CCL28: variants seen among roughly 807,000 people sequenced by gnomAD.
CCL28 encodes C-C motif chemokine 28.
A neutral mutation model predicts 7.1 loss-of-function variants in CCL28; 4 were observed. The observed-to-expected ratio is 0.56, with a 90% CI of 0.28 to 1.29. The LOEUF (loss-of-function observed/expected upper bound fraction) is 1.29. Among genes scored for constraint, CCL28 ranks in the 50% most tolerant of loss-of-function variants. The probability of loss-of-function intolerance (pLI) is 0.11; values close to 1 mark genes in which losing one functional copy is unlikely to be tolerated. For missense variants in CCL28, 151 were observed against 163.4 expected (o/e 0.92, Z 0.41); for synonymous variants, 55 against 57.8 (o/e 0.95, Z 0.22).
At chr5:43,374,443 T>A (rs150616186), downstream of CCL28, among the ~76,000 whole-genome samples, 768 of 152,348 alleles carry the variant, frequency 5.0e-3, 8 homozygotes, top group African/African-American at 0.018. Flanking sequence ...GAATTAGCTA[T>A]GTAATTGTGA....
At chr5:43,371,081 T>C in the CCL28 span, among the ~76,000 whole-genome samples, 9,586 of 152,224 alleles carry the variant, frequency 0.063, 686 homozygotes, top group African/African-American at 0.18. Context: ...TTTTTCTTAA[T>C]CTGCTTAAGT....
downstream of CCL28, among the ~76,000 whole-genome samples, chr5:43,372,871 T>A (rs114541113): frequency 0.018 from 2,724 of 151,882 alleles, 78 homozygotes; most frequent in African/African-American, 0.062. Context: ...TGATCTTTCC[T>A]CACTGCAAAC....
At chr5:43,376,411 C>A (rs932262697), downstream of CCL28, among the ~76,000 whole-genome samples, 2 of 152,134 alleles carry the variant, frequency 1.3e-5, no homozygotes, top group Non-Finnish European at 2.9e-5. Flanking sequence ...GAGAGCCCCC[C>A]ACAACAAAGA....
At chr5:43,375,727 C>T (rs908757561), downstream of CCL28, among the ~76,000 whole-genome samples, 1 of 152,198 alleles carries the variant, frequency 6.6e-6, no homozygotes, top group Non-Finnish European at 1.5e-5. Flanking sequence ...GATGGTGGCT[C>T]ATGCCTGTAA....
At chr5:43,384,536 C>T (rs1385767291) in intron 2 of CCL28, among the ~76,000 whole-genome samples, 1 of 152,168 alleles carries the variant, frequency 6.6e-6, no homozygotes, top group Non-Finnish European at 1.5e-5. Context: ...ATTCCTTCCC[C>T]TACTCGCAAT....
intron 1 of CCL28, among the ~76,000 whole-genome samples, chr5:43,392,628 A>G (rs930635744): frequency 2.0e-5 from 3 of 152,332 alleles, no homozygotes; most frequent in South Asian, 2.1e-4. Context: ...TGAGAGTTCC[A>G]TTTCTGCACA....
the CCL28 span, among the ~76,000 whole-genome samples, chr5:43,369,036 A>AAAAGAGAG: frequency 9.6e-6 from 1 of 104,458 alleles, no homozygotes; most frequent in South Asian, 4.1e-4. Context: ...GAAAGAGAGA[A>AAAAGAGAG]AGAGAGAGAG....
chr5:43,395,718 GT>G (rs1323890115), intron 1 of CCL28, among the ~76,000 whole-genome samples: 1 of 152,104 alleles, frequency 6.6e-6, no homozygotes, highest in Non-Finnish European at 1.5e-5. Context: ...GTGAAAGCAA[GT>G]TTATTAAGAA....
intron 1 of CCL28, among the ~76,000 whole-genome samples, chr5:43,408,779 T>C (rs1490987288): frequency 6.6e-6 from 1 of 152,208 alleles, no homozygotes; most frequent in African/African-American, 2.4e-5. Context: ...TTTTTAATTC[T>C]TTAAATTTTT....
Position 43,381,883 on chromosome 5 carries a change from A to G in CCL28, c.361T>C (p.Tyr121His), listed in dbSNP as rs761490471. The change falls in exon 3 of 3, where the codon TAC (tyrosine) becomes CAC (histidine). Residue 121 changes from tyrosine to histidine, a missense_variant. By Grantham distance (83) the Tyr-to-His change is moderately conservative. Coordinates refer to ENST00000361115, the MANE Select transcript of CCL28 (RefSeq NM_148672.3). ...NRAHQGKHET[Y>H]GHKTPY The stretch of plus-strand genomic sequence containing the variant: ...CTCTAATAAGGAGTTTTATGGCCGT[A>G]TGTTTCGTGTTTCCCCTGATGTGCC... The G allele has an allele frequency of 2.5e-5, 41 of 1,613,844 alleles. No homozygotes were observed. The highest frequency in any genetic ancestry group is 3.5e-5 in the Non-Finnish European group (41 of 1,179,932).
chr5:43,367,724 G>A, the CCL28 span, among the ~76,000 whole-genome samples: 3 of 151,988 alleles, frequency 2.0e-5, no homozygotes, highest in African/African-American at 7.3e-5. Flanking sequence ...CCAGTGAGGT[G>A]AGCCATGTAC....
At chr5:43,377,934 G>A (rs1029511344), downstream of CCL28, among the ~76,000 whole-genome samples, 6 of 150,528 alleles carry the variant, frequency 4.0e-5, no homozygotes, top group East Asian at 3.9e-4. Context: ...GGGTTTCACC[G>A]TTTTAGCCGG....
intron 1 of CCL28, among the ~76,000 whole-genome samples, chr5:43,401,077 C>T (rs186902356): frequency 0.01 from 1,510 of 146,646 alleles, 22 homozygotes; most frequent in South Asian, 0.045. Flanking sequence ...AGCAAGACTC[C>T]GTCTCAAAAA....
At chr5:43,364,495 A>G in the CCL28 span, among the ~76,000 whole-genome samples, 1 of 152,236 alleles carries the variant, frequency 6.6e-6, no homozygotes, top group East Asian at 1.9e-4. Flanking sequence ...GTTGATAAAA[A>G]TAAAGAATTT....
the CCL28 span, among the ~76,000 whole-genome samples, chr5:43,364,920 C>T: frequency 1.3e-5 from 2 of 151,876 alleles, no homozygotes; most frequent in Admixed American, 6.6e-5. Flanking sequence ...GGTAAATATT[C>T]CCCCATCCCT....
At chr5:43,373,294 G>A (rs995483774), downstream of CCL28, among the ~76,000 whole-genome samples, 5 of 151,746 alleles carry the variant, frequency 3.3e-5, no homozygotes, top group African/African-American at 9.7e-5. Flanking sequence ...CCTTACTAAC[G>A]CTTGATTTTT....
Position 43,388,751 on chromosome 5 carries a change from A to C in CCL28, c.65-275T>G, listed in dbSNP as rs1213635973. On this transcript the variant is annotated intron_variant, in intron 1 of 2. Transcript: ENST00000361115. Reference sequence around the variant, plus strand: ...AGGATTCTGGTGGTACTGCAGACTGATCAAAGATGAAAGGAGTGAGGTCAA... The same window carrying C: ...AGGATTCTGGTGGTACTGCAGACTGCTCAAAGATGAAAGGAGTGAGGTCAA... 1.3e-4 allele frequency among the ~76,000 whole-genome samples: 20 copies of C among 152,196 alleles called. 1 individual carries two copies. Among genetic ancestry groups the C allele is most frequent in the Admixed American group, 1.3e-3 (20 of 15,264 alleles).
chr5:43,359,395 T>C, the CCL28 span, among the ~76,000 whole-genome samples: 1 of 152,246 alleles, frequency 6.6e-6, no homozygotes, highest in Non-Finnish European at 1.5e-5. Flanking sequence ...TCTGGCTAGT[T>C]ATCTGTAGCA....
rs548606356 is a variant in CCL28 at position 43,379,427 on chromosome 5, T to G, written c.*2433A>C. ...TATTTAAAAAGCTTGTCTCTGCCAC[T>G]TCCTGTGTGACCTGGGCAAGTCATT... On this transcript the variant is annotated 3_prime_UTR_variant, in exon 3 of 3. Coordinates refer to ENST00000361115, the MANE Select transcript of CCL28 (RefSeq NM_148672.3). The G allele has an allele frequency of 6.6e-6, 1 of 152,234 alleles. No individual in the cohort carries two copies. Among genetic ancestry groups the G allele is most frequent in the Non-Finnish European group, 1.5e-5 (1 of 68,048 alleles). The allele number at this position is 152,234 out of a possible 1,614,324, so 9.4% of individuals were successfully genotyped here. A position where few individuals can be genotyped will look rare whatever the true frequency, so the allele number is the denominator to read the frequency against.
Sources: allele counts gnomAD v4.1 joint callset (sites outside exome capture counted in the v4.1 genomes callset), GRCh38; gene constraint gnomAD v4.1.1; transcripts MANE v1.5; gene names NCBI Gene and HGNC (gene_info 2026-07-23, HGNC 2026-07-21).